MTRF1: variants seen among roughly 807,000 people sequenced by gnomAD.
MTRF1 encodes the protein mitochondrial translation release factor 1, also known as peptide chain release factor 1, mitochondrial.
In MTRF1, 51 loss-of-function variants were observed where a neutral mutation model predicts 62.9. That is an observed-to-expected ratio of 0.81 (90% CI 0.65 to 1.02). The LOEUF (loss-of-function observed/expected upper bound fraction) is 1.02, where lower values mean the gene tolerates loss of function less well. Ranked by LOEUF, MTRF1 falls within the 50% of genes least tolerant of loss-of-function variation. The pLI is 0.00. For synonymous variants in MTRF1, 158 were observed against 181.9 expected (o/e 0.87, Z 1.06); for missense variants, 446 against 530.0 (o/e 0.84, Z 1.56).
the MTRF1 span, among the ~76,000 whole-genome samples, chr13:41,301,802 ATTATGTAGATAAAGATT>A: frequency 5.3e-5 from 8 of 152,028 alleles, no homozygotes; most frequent in East Asian, 9.6e-4. Context: ...AGTCTGTCTT[ATTATGTAGATAAAGATT>A]TTATGTAGAT....
chr13:41,301,056 T>C, the MTRF1 span, among the ~76,000 whole-genome samples: 1 of 152,176 alleles, frequency 6.6e-6, no homozygotes, highest in Non-Finnish European at 1.5e-5. Flanking sequence ...AAATAAGAAA[T>C]AGCAAATTGC....
chr13:41,274,201 T>C, the MTRF1 span, among the ~76,000 whole-genome samples: 1 of 152,206 alleles, frequency 6.6e-6, no homozygotes, highest in Non-Finnish European at 1.5e-5. Context: ...ATGTGACTTT[T>C]GGTTACAAGG....
chr13:41,304,748 A>G, the MTRF1 span, among the ~76,000 whole-genome samples: 5 of 152,312 alleles, frequency 3.3e-5, no homozygotes, highest in South Asian at 1.0e-3. Flanking sequence ...ATTGGTTGAC[A>G]TAGGTTACAG....
At chr13:41,244,962 T>C (rs1209713874) in intron 5 of MTRF1, among the ~76,000 whole-genome samples, 1 of 152,250 alleles carries the variant, frequency 6.6e-6, no homozygotes, top group Non-Finnish European at 1.5e-5. Flanking sequence ...ATAACAAATA[T>C]AGTATCTGCT....
At chr13:41,230,696 A>G (rs1319911724) in intron 7 of MTRF1, among the ~76,000 whole-genome samples, 1 of 150,820 alleles carries the variant, frequency 6.6e-6, no homozygotes, top group Non-Finnish European at 1.5e-5. Flanking sequence ...ACAAGCAATC[A>G]TAATCATGTC....
chr13:41,224,449 T>C (rs1187539450), intron 8 of MTRF1, among the ~76,000 whole-genome samples: 2 of 152,218 alleles, frequency 1.3e-5, no homozygotes, highest in East Asian at 3.8e-4. Flanking sequence ...GATATGAAAC[T>C]AAACTCCTGA....
chr13:41,311,388 T>C, the MTRF1 span: 3 of 760,290 alleles, frequency 3.9e-6, no homozygotes, highest in Non-Finnish European at 6.4e-6. Context: ...GGCTGCCCAA[T>C]TGCAACTGTA....
intron 1 of MTRF1, chr13:41,262,377 A>G (rs2040567301): frequency 6.6e-6 from 1 of 151,818 alleles, no homozygotes; most frequent in Non-Finnish European, 1.5e-5. Flanking sequence ...CAAAATGTTA[A>G]TAAAATGATC....
intron 5 of MTRF1, among the ~76,000 whole-genome samples, chr13:41,244,355 T>TCCC (rs1412711609): frequency 2.0e-5 from 3 of 152,250 alleles, no homozygotes; most frequent in African/African-American, 7.2e-5. Flanking sequence ...CCCTTTTTTG[T>TCCC]AAGTCCAAAC....
intron 9 of MTRF1, among the ~76,000 whole-genome samples, chr13:41,217,591 G>A (rs769145186): frequency 2.6e-5 from 4 of 152,030 alleles, no homozygotes; most frequent in African/African-American, 4.8e-5. Flanking sequence ...TTAGGAGAAC[G>A]GGTTTGCTGG....
intron 8 of MTRF1, among the ~76,000 whole-genome samples, chr13:41,225,903 A>G (rs928411874): frequency 1.3e-5 from 2 of 151,952 alleles, no homozygotes; most frequent in African/African-American, 4.8e-5. Flanking sequence ...CTATTTATCT[A>G]TTTGAAAAAG....
intron 5 of MTRF1, among the ~76,000 whole-genome samples, chr13:41,249,869 C>T (rs1015449710): frequency 6.6e-6 from 1 of 151,876 alleles, no homozygotes; most frequent in Non-Finnish European, 1.5e-5. Flanking sequence ...CCGCCTTGGT[C>T]TCCCAGAGTG....
chr13:41,236,580 T>G (rs1225448585), intron 6 of MTRF1: 2 of 152,234 alleles, frequency 1.3e-5, no homozygotes, highest in Non-Finnish European at 2.9e-5. Flanking sequence ...TTCTTTTGTA[T>G]GTTTCCTCTC....
intron 6 of MTRF1, chr13:41,235,793 TGTG>T (rs1264096457): frequency 6.1e-6 from 1 of 164,814 alleles, no homozygotes; most frequent in Non-Finnish European, 1.3e-5. Flanking sequence ...CCACTAAGTT[TGTG>T]GTAATTTGTT....
chr13:41,217,281 G>T, intron 9 of MTRF1, 53 bp from the exon 10 acceptor site: 1 of 1,000,774 alleles, frequency 1.0e-6, no homozygotes, highest in Non-Finnish European at 1.5e-6. Flanking sequence ...TATAAGCAAA[G>T]ACTTTAGTGT....
At chr13:41,296,914 T>G in the MTRF1 span, among the ~76,000 whole-genome samples, 2 of 152,198 alleles carry the variant, frequency 1.3e-5, no homozygotes, top group Admixed American at 1.3e-4. Context: ...TCATGGCTAT[T>G]CTAAGTTTTT....
chr13:41,225,950 A>C (rs892721175), intron 8 of MTRF1, among the ~76,000 whole-genome samples: 48 of 151,466 alleles, frequency 3.2e-4, no homozygotes, highest in African/African-American at 8.9e-4. Flanking sequence ...AAATTCAAAA[A>C]GTACCAAATG....
chr13:41,311,280 A>G, the MTRF1 span: 1 of 548,718 alleles, frequency 1.8e-6, no homozygotes, highest in South Asian at 2.3e-5. Context: ...GTGCGCGGGA[A>G]CCGCCGCCGC....
At chr13:41,233,120 C>T (rs765310392) in intron 7 of MTRF1, among the ~76,000 whole-genome samples, 6 of 152,090 alleles carry the variant, frequency 3.9e-5, no homozygotes, top group Non-Finnish European at 5.9e-5. Context: ...AATATATAAT[C>T]TTTATAGTTG....
Sources: allele counts gnomAD v4.1 joint callset (sites outside exome capture counted in the v4.1 genomes callset), GRCh38; gene constraint gnomAD v4.1.1; transcripts MANE v1.5; gene names NCBI Gene and HGNC (gene_info 2026-07-23, HGNC 2026-07-21).